Variants in IRF8 observed in about 807,000 individuals in gnomAD.
IRF8 encodes interferon consensus sequence binding protein 1.
IRF8 carries 14 observed loss-of-function variants against 48.7 expected under a neutral mutation model. The ratio of observed to expected loss-of-function variants is 0.29; its 90% CI spans 0.19 to 0.45. The LOEUF is 0.45. Ranked by LOEUF, IRF8 falls within the 20% of genes least tolerant of loss-of-function variation. The probability of loss-of-function intolerance (pLI) is 1.00; values close to 1 mark genes in which losing one functional copy is unlikely to be tolerated. For synonymous variants in IRF8, 278 were observed against 227.3 expected (o/e 1.22, Z -2.01); for missense variants, 493 against 580.7 (o/e 0.85, Z 1.55).
chr16:85,908,326 T>G (rs866501086), intron 2 of IRF8, among the ~76,000 whole-genome samples: 1 of 152,190 alleles, frequency 6.6e-6, no homozygotes, highest in Non-Finnish European at 1.5e-5. Flanking sequence ...GACTTTAAGA[T>G]TTCAGCTTTG....
intron 6 of IRF8, among the ~76,000 whole-genome samples, chr16:85,917,021 C>T (rs78833760): frequency 2.6e-4 from 40 of 152,322 alleles, no homozygotes; most frequent in African/African-American, 9.4e-4. Context: ...TCCAGCATGG[C>T]TGGAAATGGA....
At position 85,918,306 on chromosome 16, in the gene IRF8, C is replaced by T. The variant is rs1227199866; in HGVS notation, c.602-111C>T. The T allele has an allele frequency of 3.9e-6, 5 of 1,285,208 alleles. No individual in the cohort carries two copies. In the East Asian group the frequency reaches 7.0e-5, roughly 18 times the overall value. The allele number at this position is 1,285,208 out of a possible 1,614,324, so 79.6% of individuals were successfully genotyped here. A position where few individuals can be genotyped will look rare whatever the true frequency, so the allele number is the denominator to read the frequency against. ...ATTTCCCCAGAATATCAAAGTGGTT[C>T]AAGACACACAAAGAGTTACCCGTGT... On this transcript the variant is annotated intron_variant, in intron 6 of 8. Coordinates refer to ENST00000268638, the MANE Select transcript of IRF8 (RefSeq NM_002163.4).
At chr16:85,903,404 G>T in intron 2 of IRF8, 1 of 574,062 alleles carries the variant, frequency 1.7e-6, no homozygotes, top group Non-Finnish European at 3.1e-6. Flanking sequence ...GTGGTCGCTT[G>T]TATTCTGATG....
intron 1 of IRF8, among the ~76,000 whole-genome samples, chr16:85,899,922 G>A (rs942234516): frequency 1.3e-5 from 2 of 152,178 alleles, no homozygotes; most frequent in Non-Finnish European, 2.9e-5. Flanking sequence ...CTTTACGGAT[G>A]GAAACTAGAG....
intron 6 of IRF8, 77 bp from the exon 7 acceptor site, chr16:85,918,340 G>C (rs1905389151): frequency 6.6e-7 from 1 of 1,519,170 alleles, no homozygotes; most frequent in Non-Finnish European, 8.8e-7. Flanking sequence ...GTAGGTGTGA[G>C]ACAGACTGTG....
chr16:85,913,391 G>C (rs1905204945), intron 5 of IRF8, 155 bp downstream of exon 5: 3 of 665,666 alleles, frequency 4.5e-6, no homozygotes, highest in African/African-American at 3.5e-5. Context: ...GATGGCCCTG[G>C]TTTCCCAACA....
chr16:85,910,031 T>C (rs1362528459), intron 3 of IRF8: 1 of 152,254 alleles, frequency 6.6e-6, no homozygotes, highest in African/African-American at 2.4e-5. Flanking sequence ...TTCTTGGGGC[T>C]GTGCAGAAGT....
chr16:85,917,671 G>C (rs1233939025), intron 6 of IRF8, among the ~76,000 whole-genome samples: 1 of 152,230 alleles, frequency 6.6e-6, no homozygotes, highest in Non-Finnish European at 1.5e-5. Context: ...ATTCAAAAGG[G>C]AGGTTGACAG....
Position 85,911,590 on chromosome 16 carries a change from G to A in IRF8, c.379G>A (p.Ala127Thr). The A allele has an allele frequency of 6.2e-7, 1 of 1,614,062 alleles. No individual in the cohort carries two copies. Among genetic ancestry groups the A allele is most frequent in the Non-Finnish European group, 8.5e-7 (1 of 1,179,922 alleles). Residue 127 changes from alanine (A) to threonine (T), a missense_variant, in exon 4 of 9, where the codon GCT becomes ACT. Coordinates refer to ENST00000268638, the MANE Select transcript of IRF8 (RefSeq NM_002163.4). ...EQKCKLGVAT[A>T]GCVNEVTEME... ...TGTAGGCAAACTAGGCGTGGCAACT[G>A]CTGGCTGCGTGAATGAAGTTACAGA...
chr16:85,905,466 G>A (rs1315799387), intron 2 of IRF8, among the ~76,000 whole-genome samples: 1 of 152,244 alleles, frequency 6.6e-6, no homozygotes, highest in Non-Finnish European at 1.5e-5. Flanking sequence ...TGTTTCCGTT[G>A]GTTACGCAGT....
Sources: allele counts gnomAD v4.1 joint callset (sites outside exome capture counted in the v4.1 genomes callset), GRCh38; gene constraint gnomAD v4.1.1; transcripts MANE v1.5; gene names NCBI Gene and HGNC (gene_info 2026-07-23, HGNC 2026-07-21).